Variants in DCP2 observed in about 807,000 individuals in gnomAD.
DCP2 encodes the protein m7GpppN-mRNA hydrolase.
A neutral mutation model predicts 56.1 loss-of-function variants in DCP2; 30 were observed. The observed-to-expected ratio is 0.53, with a 90% CI of 0.40 to 0.73. The LOEUF is 0.73. Ranked by LOEUF, DCP2 falls within the 30% of genes least tolerant of loss-of-function variation. The pLI is 0.00. For missense variants in DCP2, 533 were observed against 502.7 expected, an observed-to-expected ratio of 1.06 and a Z score of -0.58; for synonymous variants, 197 against 163.3, an observed-to-expected ratio of 1.21 and a Z score of -1.57.
rs1379643015 is a variant in DCP2, at chr5:113,021,460, AT to A, written c.*7978del. On this transcript the variant is annotated 3_prime_UTR_variant, in exon 11 of 11. Coordinates refer to ENST00000389063, the MANE Select transcript of DCP2 (RefSeq NM_152624.6). Reference sequence around the variant, plus strand: ...TGCAAAAATGAAAATACCTCAAACAATTAAGTTTGTTGCTTTAAAGCAAGAT... The same window carrying A: ...TGCAAAAATGAAAATACCTCAAACAATAAGTTTGTTGCTTTAAAGCAAGAT... 2.6e-5 allele frequency among the ~76,000 whole-genome samples: 4 copies of A among 151,796 alleles called. No individual in the cohort carries two copies. Among genetic ancestry groups the A allele is most frequent in the African/African-American group, 9.7e-5 (4 of 41,302 alleles).
rs1351233957 is a variant in DCP2 at position 113,013,670 on chromosome 5, C to T, written c.*186C>T. 1.6e-6 allele frequency: 1 copy of T among 629,098 alleles called. No homozygotes were observed. The highest frequency in any genetic ancestry group is 1.9e-5 in the African/African-American group (1 of 54,042). The allele number at this position is 629,098 out of a possible 1,614,324, so 39.0% of individuals were successfully genotyped here. A position where few individuals can be genotyped will look rare whatever the true frequency, so the allele number is the denominator to read the frequency against. On this transcript the variant is annotated 3_prime_UTR_variant, in exon 11 of 11. Transcript: ENST00000389063. The stretch of plus-strand genomic sequence containing the variant: ...TTTGCACTGTAAATGCAGTTATAAC[C>T]TTTTATACAGATTTACCTTTTCAGT...
intron 1 of DCP2, among the ~76,000 whole-genome samples, chr5:112,979,471 T>C (rs1473307087): frequency 6.6e-6 from 1 of 152,182 alleles, no homozygotes; most frequent in Non-Finnish European, 1.5e-5. Flanking sequence ...CTGAACTTCT[T>C]TGCTCTCTTT....
In DCP2 at chr5:113,016,309, A is replaced by G. The variant is rs1284336662; in HGVS notation, c.*2825A>G. ...TGGAGAGGCCTGAGAACCTAATAGA[A>G]CTCATATAGTGTGAGTGAAATTTGA... On this transcript the variant is annotated 3_prime_UTR_variant, in exon 11 of 11. Transcript: ENST00000389063. 1.3e-5 allele frequency: 2 copies of G among 152,572 alleles called. No individual in the cohort carries two copies. The highest frequency in any genetic ancestry group is 2.4e-5 in the African/African-American group (1 of 41,436). 9.5% of individuals were successfully genotyped at this position (152,572 alleles called of 1,614,324 possible).
intron 10 of DCP2, among the ~76,000 whole-genome samples, chr5:113,012,020 T>C (rs2150192948): frequency 6.6e-6 from 1 of 152,336 alleles, no homozygotes; most frequent in African/African-American, 2.4e-5. Context: ...GTCTTCTTAA[T>C]AGGATTTTTT....
At chr5:112,992,025 C>T (rs1748616866) in intron 2 of DCP2, 96 bp from the exon 3 acceptor site, 4 of 1,504,006 alleles carry the variant, frequency 2.7e-6, no homozygotes, top group East Asian at 4.8e-5. Context: ...AATAATTTCA[C>T]ATGAAATACA....
At chr5:112,978,091 C>T (rs1017681564) in intron 1 of DCP2, among the ~76,000 whole-genome samples, 3 of 152,112 alleles carry the variant, frequency 2.0e-5, no homozygotes, top group African/African-American at 4.8e-5. Context: ...GAGTCTCTGC[C>T]TCAGCCTCCC....
At chr5:112,981,769 C>G (rs1206344209) in intron 1 of DCP2, among the ~76,000 whole-genome samples, 2 of 152,010 alleles carry the variant, frequency 1.3e-5, no homozygotes, top group African/African-American at 4.8e-5. Context: ...TTCCTTCTAG[C>G]CTTTTTGTTT....
chr5:113,006,846 A>G (rs1749460478), intron 8 of DCP2, among the ~76,000 whole-genome samples: 1 of 152,210 alleles, frequency 6.6e-6, no homozygotes, highest in South Asian at 2.1e-4. Flanking sequence ...TAAAACATAA[A>G]TCTTAGCCGG....
chr5:113,008,630 A>G (rs1337971083), intron 9 of DCP2, among the ~76,000 whole-genome samples: 5 of 152,124 alleles, frequency 3.3e-5, no homozygotes, highest in African/African-American at 7.2e-5. Context: ...TTGGTGAGTA[A>G]TAATAGTAAT....
At chr5:112,997,473 T>G (rs1455323625) in intron 4 of DCP2, among the ~76,000 whole-genome samples, 1 of 152,212 alleles carries the variant, frequency 6.6e-6, no homozygotes, top group Non-Finnish European at 1.5e-5. Flanking sequence ...CTTATATAAT[T>G]TAATAGAATT....
intron 4 of DCP2, among the ~76,000 whole-genome samples, chr5:112,996,434 TACA>T (rs1333402684): frequency 6.6e-6 from 1 of 152,204 alleles, no homozygotes; most frequent in East Asian, 1.9e-4. Context: ...TTAAGTTACA[TACA>T]TTTAAGTTCT....
At chr5:113,000,657 C>G (rs989579390) in intron 4 of DCP2, among the ~76,000 whole-genome samples, 5 of 152,174 alleles carry the variant, frequency 3.3e-5, no homozygotes, top group Non-Finnish European at 4.4e-5. Flanking sequence ...TGGACTTTTA[C>G]TCTGATTGGA....
At chr5:113,003,817 C>T (rs973343433) in intron 7 of DCP2, 125 bp from the exon 8 acceptor site, 10 of 1,096,916 alleles carry the variant, frequency 9.1e-6, no homozygotes, top group East Asian at 7.8e-5. Context: ...ATAGAACTTA[C>T]ATTCCAGTGG....
At chr5:112,990,953 T>G (rs10072979) in intron 2 of DCP2, among the ~76,000 whole-genome samples, 4,800 of 152,294 alleles carry the variant, frequency 0.032, 246 homozygotes, top group African/African-American at 0.11. Flanking sequence ...TGAGGGTGTT[T>G]TGAGTTTGGT....
Position 113,001,251 on chromosome 5 carries a change from T to G in DCP2, c.585+15T>G. Reference sequence around the variant, plus strand: ...GAGAAATTCGGGTATGTAACAAGAGTATTTTCAGGTTACTGGACAGTATCC... The same window carrying G: ...GAGAAATTCGGGTATGTAACAAGAGGATTTTCAGGTTACTGGACAGTATCC... On this transcript the variant is annotated intron_variant, in intron 5 of 10. Coordinates refer to ENST00000389063, the MANE Select transcript of DCP2 (RefSeq NM_152624.6). The G allele has an allele frequency of 6.2e-7, 1 of 1,611,276 alleles. No homozygotes were observed. The highest frequency in any genetic ancestry group is 8.5e-7 in the Non-Finnish European group (1 of 1,179,060).
At chr5:112,996,735 T>C (rs947812618) in intron 4 of DCP2, among the ~76,000 whole-genome samples, 5 of 152,198 alleles carry the variant, frequency 3.3e-5, no homozygotes, top group African/African-American at 1.2e-4. Context: ...GCAATCTTAA[T>C]TAGTAATTTC....
At chr5:112,994,809 A>C (rs1748774737) in intron 4 of DCP2, among the ~76,000 whole-genome samples, 1 of 152,188 alleles carries the variant, frequency 6.6e-6, no homozygotes, top group Non-Finnish European at 1.5e-5. Flanking sequence ...GTAAGACATA[A>C]AGACCTTTAA....
chr5:112,997,708 G>A (rs771168548), intron 4 of DCP2, among the ~76,000 whole-genome samples: 9 of 151,190 alleles, frequency 6.0e-5, no homozygotes, highest in Non-Finnish European at 1.2e-4. Context: ...TCCGCCTCCC[G>A]GGTTCAAGTG....
chr5:113,011,791 G>C (rs1377744738), intron 10 of DCP2, among the ~76,000 whole-genome samples: 1 of 152,060 alleles, frequency 6.6e-6, no homozygotes, highest in South Asian at 2.1e-4. Flanking sequence ...TGTGAAGATG[G>C]GCATCAGAGA....
Sources: allele counts gnomAD v4.1 joint callset (sites outside exome capture counted in the v4.1 genomes callset), GRCh38; gene constraint gnomAD v4.1.1; transcripts MANE v1.5; gene names NCBI Gene and HGNC (gene_info 2026-07-23, HGNC 2026-07-21).